The following USP44 variants were observed in gnomAD, a reference collection of about 807,000 sequenced individuals.
USP44 encodes the protein ubiquitin specific peptidase 44, also known as ubiquitin carboxyl-terminal hydrolase 44.
A neutral mutation model predicts 69.0 loss-of-function variants in USP44; 61 were observed. The observed-to-expected ratio is 0.88, with a 90% CI of 0.72 to 1.09. The LOEUF (loss-of-function observed/expected upper bound fraction) is 1.09. Ranked by LOEUF, USP44 falls within the 50% of genes least tolerant of loss-of-function variation. USP44 has a pLI of 0.00. For missense variants in USP44, 753 were observed against 849.9 expected (o/e 0.89, Z 1.42); for synonymous variants, 297 against 295.4 (o/e 1.01, Z -0.06).
At chr12:95,525,208 AC>A (rs1288955201) in intron 3 of USP44, among the ~76,000 whole-genome samples, 3 of 152,280 alleles carry the variant, frequency 2.0e-5, no homozygotes, top group Non-Finnish European at 2.9e-5. Flanking sequence ...TGTAACTGGG[AC>A]TATAGGTGCG....
intron 4 of USP44, among the ~76,000 whole-genome samples, chr12:95,522,270 G>A (rs549770837): frequency 6.6e-6 from 1 of 151,824 alleles, no homozygotes; most frequent in Non-Finnish European, 1.5e-5. Context: ...AGAAGGGAGA[G>A]ACAAGAACAT....
intron 4 of USP44, 103 bp from the exon 5 acceptor site, chr12:95,521,305 A>G: frequency 3.9e-6 from 4 of 1,022,212 alleles, no homozygotes; most frequent in Non-Finnish European, 4.6e-6. Context: ...CATGGAATAC[A>G]AAGTATCATA....
At chr12:95,547,516 T>C (rs1382053871) in intron 1 of USP44, among the ~76,000 whole-genome samples, 9 of 152,278 alleles carry the variant, frequency 5.9e-5, no homozygotes, top group African/African-American at 1.9e-4. Flanking sequence ...ATTGAGATTA[T>C]GAAATATTCT....
chr12:95,527,836 CTTTTTT>C, intron 3 of USP44, among the ~76,000 whole-genome samples: 3 of 54,860 alleles, frequency 5.5e-5, no homozygotes, highest in African/African-American at 2.6e-4. Flanking sequence ...GAGGAAGATG[CTTTTTT>C]TTTTTTTTTT....
chr12:95,525,776 G>A (rs542990784), intron 3 of USP44, among the ~76,000 whole-genome samples: 1 of 152,276 alleles, frequency 6.6e-6, no homozygotes, highest in South Asian at 2.1e-4. Context: ...GACTGTCCTG[G>A]AGCTGGGCCA....
chr12:95,528,108 G>A (rs1322660796), intron 3 of USP44, among the ~76,000 whole-genome samples: 1 of 152,212 alleles, frequency 6.6e-6, no homozygotes, highest in Non-Finnish European at 1.5e-5. Flanking sequence ...CAACGTGGTA[G>A]GATTACAGGC....
chr12:95,533,860 G>A lies in USP44; in HGVS notation c.397C>T (p.His133Tyr). ...TGAAGCAGAGATTGGGCACCGTCAT[G>A]TAAGAAATAAGAATCATCACCTGTA... ...MGTGDDSYFL[H>Y]DGAQSLLQSE... The change falls in exon 2 of 6, where the codon CAT becomes TAT. Residue 133 changes from histidine to tyrosine, a missense_variant. Physicochemically the swap from His to Tyr is moderately conservative, Grantham distance 83. Transcript: ENST00000258499. 2 of 1,614,152 alleles carry A rather than the reference G, an allele frequency of 1.2e-6. No individual in the cohort carries two copies. The highest frequency in any genetic ancestry group is 8.5e-7 in the Non-Finnish European group (1 of 1,180,034).
At chr12:95,543,332 C>T (rs867766271) in intron 1 of USP44, among the ~76,000 whole-genome samples, 51 of 129,260 alleles carry the variant, frequency 3.9e-4, no homozygotes, top group Middle Eastern at 5.1e-3. Context: ...ACCTGGGAGG[C>T]GGTGGTGGTT....
chr12:95,519,240 G>GA (rs1438532788), intron 5 of USP44, among the ~76,000 whole-genome samples: 1 of 152,026 alleles, frequency 6.6e-6, no homozygotes, highest in Non-Finnish European at 1.5e-5. Flanking sequence ...CTCTGTTAAT[G>GA]AAACTGTTTC....
chr12:95,523,287 G>A (rs777626527), intron 4 of USP44, among the ~76,000 whole-genome samples: 1 of 152,170 alleles, frequency 6.6e-6, no homozygotes, highest in Non-Finnish European at 1.5e-5. Context: ...CCAACAGGTT[G>A]GTCACAATTT....
chr12:95,542,442 A>T (rs1198590647), intron 1 of USP44, among the ~76,000 whole-genome samples: 1 of 152,202 alleles, frequency 6.6e-6, no homozygotes, highest in Middle Eastern at 3.2e-3. Flanking sequence ...CATTAACTGC[A>T]GGTCATCCTC....
intron 1 of USP44, among the ~76,000 whole-genome samples, chr12:95,547,345 T>C (rs2077605473): frequency 6.6e-6 from 1 of 152,184 alleles, no homozygotes; most frequent in Admixed American, 6.5e-5. Context: ...AACTAATGGC[T>C]ACTATGAAAA....
intron 1 of USP44, among the ~76,000 whole-genome samples, chr12:95,543,889 A>C (rs1368480529): frequency 1.3e-4 from 18 of 140,658 alleles, no homozygotes; most frequent in East Asian, 4.5e-4. Context: ...ATGGCGTGAA[A>C]CCAGGAGGTG....
intron 1 of USP44, among the ~76,000 whole-genome samples, chr12:95,543,860 C>T (rs1430360414): frequency 1.4e-5 from 2 of 144,236 alleles, no homozygotes; most frequent in Non-Finnish European, 1.5e-5. Flanking sequence ...CCAGCTACTC[C>T]GGAGGCTGAG....
chr12:95,526,342 G>A (rs933640328), intron 3 of USP44, among the ~76,000 whole-genome samples: 1 of 152,238 alleles, frequency 6.6e-6, no homozygotes, highest in Admixed American at 6.5e-5. Flanking sequence ...GAAGGCAGAG[G>A]CGGGTGGATC....
Position 95,536,039 on chromosome 12 carries a change from C to CTTTTTTTTTTTTTT in USP44, c.-70-1727_-70-1714dup, listed in dbSNP as rs397821709. 2.1e-5 allele frequency among the ~76,000 whole-genome samples: 2 copies of CTTTTTTTTTTTTTT among 97,528 alleles called. 1 individual carries two copies. The allele number at this position is 97,528 out of a possible 152,430, so 64.0% of individuals were successfully genotyped here. A position where few individuals can be genotyped will look rare whatever the true frequency, so the allele number is the denominator to read the frequency against. ...ATGTTTCTTTCTTTCCTTTTTTTTC[C>CTTTTTTTTTTTTTT]TTTTTTTTTTTTTTTTTTTTTGAGA... is the stretch of plus-strand genomic sequence containing the variant. On this transcript the variant is annotated intron_variant, in intron 1 of 5. Coordinates refer to ENST00000258499, the MANE Select transcript of USP44 (RefSeq NM_032147.5).
At chr12:95,534,377 A>C in intron 1 of USP44, 51 bp from the exon 2 acceptor site, 2 of 972,182 alleles carry the variant, frequency 2.1e-6, no homozygotes, top group Non-Finnish European at 3.0e-6. Flanking sequence ...TATTTTTCAT[A>C]TTTTTTCCCA....
rs1211194182 is a variant in USP44 at position 95,517,855 on chromosome 12, A to ACTT, written c.*296_*298dup. 1.3e-5 allele frequency: 3 copies of ACTT among 238,614 alleles called. No homozygotes were observed. The highest frequency in any genetic ancestry group is 6.8e-5 in the African/African-American group (3 of 44,122). The allele number at this position is 238,614 out of a possible 1,614,324, so 14.8% of individuals were successfully genotyped here. A position where few individuals can be genotyped will look rare whatever the true frequency, so the allele number is the denominator to read the frequency against. On this transcript the variant is annotated 3_prime_UTR_variant, in exon 6 of 6. Transcript: ENST00000258499. Reference sequence around the variant, plus strand: ...ATGTATATAAAATGATGCCACTTGAACTTTGTTGGTAGAAGATTGCACAAG... The same window carrying ACTT: ...ATGTATATAAAATGATGCCACTTGAACTTCTTTGTTGGTAGAAGATTGCACAAG...
At chr12:95,539,311 C>T (rs527900039) in intron 1 of USP44, among the ~76,000 whole-genome samples, 13 of 151,624 alleles carry the variant, frequency 8.6e-5, no homozygotes, top group African/African-American at 2.7e-4. Flanking sequence ...CTGCAAGCTC[C>T]GCCTCCTGGG....
Sources: gnomAD v4.1 joint callset for allele counts (sites outside exome capture counted in the v4.1 genomes callset) on GRCh38, gnomAD v4.1.1 for gene constraint, MANE v1.5 for transcripts, NCBI Gene and HGNC (gene_info 2026-07-23, HGNC 2026-07-21) for gene names.